LRTM1: variants seen among roughly 807,000 people sequenced by gnomAD.
LRTM1 encodes the protein leucine rich repeat transmembrane protein 1.
LRTM1 carries 38 observed loss-of-function variants against 32.4 expected under a neutral mutation model. The ratio of observed to expected loss-of-function variants is 1.17; its 90% confidence interval spans 0.91 to 1.54. The LOEUF is 1.54. Among genes scored for constraint, LRTM1 ranks in the 40% most tolerant of loss-of-function variants. The pLI, the probability that LRTM1 is intolerant of heterozygous loss-of-function variation, is 0.00. For missense variants in LRTM1, 466 were observed against 415.4 expected (o/e 1.12, Z -1.06); for synonymous variants, 186 against 169.9 (o/e 1.09, Z -0.74).
At chr3:54,927,869 C>G (rs1223304459) in intron 1 of LRTM1, 36 bp downstream of exon 1, 1 of 1,612,724 alleles carries the variant, frequency 6.2e-7, no homozygotes, top group Non-Finnish European at 8.5e-7. Flanking sequence ...TTCTCCCAGA[C>G]AAGAACTTTT....
At chr3:54,924,548 G>A (rs1473785764) in intron 2 of LRTM1, 71 bp downstream of exon 2, 28 of 1,255,920 alleles carry the variant, frequency 2.2e-5, no homozygotes, top group Non-Finnish European at 2.9e-5. Flanking sequence ...TCTTTCTAAT[G>A]CAGAGAACAG....
chr3:54,924,506 C>G (rs2106939177), intron 2 of LRTM1, 113 bp downstream of exon 2: 1 of 866,654 alleles, frequency 1.2e-6, no homozygotes, highest in Admixed American at 2.3e-5. Context: ...TGTGTAAAAG[C>G]CCAAATCCAC....
At chr3:54,959,519 A>G (rs910729315) in intron 1 of LRTM1, among the ~76,000 whole-genome samples, 2 of 56,292 alleles carry the variant, frequency 3.6e-5, no homozygotes, top group Non-Finnish European at 9.4e-5. Flanking sequence ...TGGCTGTTCT[A>G]TTATTATTGG....
At chr3:54,944,891 T>G (rs1054640476) in intron 1 of LRTM1, among the ~76,000 whole-genome samples, 1 of 152,128 alleles carries the variant, frequency 6.6e-6, no homozygotes, top group Non-Finnish European at 1.5e-5. Context: ...TGTTTTTCTT[T>G]CTTTTTTCAA....
chr3:54,944,739 T>A (rs1470733747), intron 1 of LRTM1, among the ~76,000 whole-genome samples: 19 of 152,182 alleles, frequency 1.2e-4, no homozygotes, highest in Non-Finnish European at 2.8e-4. Context: ...TTATTTTTTA[T>A]AGCAGCCTTT....
chr3:54,933,444 T>A (rs1287628054), intron 1 of LRTM1, among the ~76,000 whole-genome samples: 2 of 152,178 alleles, frequency 1.3e-5, no homozygotes, highest in African/African-American at 4.8e-5. Flanking sequence ...CTCAGAGCCC[T>A]CTCCATCAGT....
intron 1 of LRTM1, among the ~76,000 whole-genome samples, chr3:54,926,810 G>A (rs539115652): frequency 6.6e-6 from 1 of 152,284 alleles, no homozygotes; most frequent in Non-Finnish European, 1.5e-5. Context: ...CTGTAAAACA[G>A]CATCCTTGTT....
chr3:54,942,662 A>C (rs1311298053), intron 1 of LRTM1, among the ~76,000 whole-genome samples: 1 of 152,108 alleles, frequency 6.6e-6, no homozygotes, highest in Non-Finnish European at 1.5e-5. Context: ...ACTGAGCCAG[A>C]AGGATCATTT....
chr3:54,923,000 G>A (rs1700897810), intron 2 of LRTM1, among the ~76,000 whole-genome samples: 1 of 152,136 alleles, frequency 6.6e-6, no homozygotes. Flanking sequence ...CATTGATCAT[G>A]TCTCACCACC....
chr3:54,934,378 A>G (rs1230979151), intron 1 of LRTM1, among the ~76,000 whole-genome samples: 1 of 149,676 alleles, frequency 6.7e-6, no homozygotes, highest in Non-Finnish European at 1.5e-5. Flanking sequence ...CTCTAGTAAG[A>G]AAGTGGGGAG....
rs998811419 is a variant in LRTM1, at chr3:54,944,931, C to T, written c.-221-19716G>A. The stretch of plus-strand genomic sequence containing the variant: ...AAGGCTCTCCCCAAATATCTGTAGC[C>T]TAGTTCACTTTTAAGAGTGAGGCAC... On this transcript the variant is annotated intron_variant, in intron 1 of 2. Transcript: ENST00000493075. Among the ~76,000 whole-genome samples, 6 of 151,926 alleles carry T rather than the reference C, an allele frequency of 3.9e-5. 1 individual carries two copies. The highest frequency in any genetic ancestry group is 3.3e-4 in the Admixed American group (5 of 15,240).
At chr3:54,939,178 C>G (rs1701398595) in intron 1 of LRTM1, among the ~76,000 whole-genome samples, 1 of 152,198 alleles carries the variant, frequency 6.6e-6, no homozygotes, top group Admixed American at 6.5e-5. Flanking sequence ...CTCTTACAAC[C>G]TTCCAGAAGT....
At chr3:54,939,781 G>A (rs183430433) in intron 1 of LRTM1, among the ~76,000 whole-genome samples, 112 of 152,330 alleles carry the variant, frequency 7.4e-4, no homozygotes, top group Admixed American at 5.2e-3. Context: ...ACCAGTAGCG[G>A]GAGAAGCATG....
chr3:54,943,252 A>G (rs2106991247), intron 1 of LRTM1, among the ~76,000 whole-genome samples: 1 of 152,140 alleles, frequency 6.6e-6, no homozygotes, highest in Non-Finnish European at 1.5e-5. Flanking sequence ...AAAAAGAAAA[A>G]AATCATGCCC....
At chr3:54,926,110 G>A (rs118003807) in intron 1 of LRTM1, among the ~76,000 whole-genome samples, 2 of 152,126 alleles carry the variant, frequency 1.3e-5, no homozygotes, top group East Asian at 3.9e-4. Flanking sequence ...CTATTTTCCA[G>A]CATAAGCCCT....
intron 2 of LRTM1, among the ~76,000 whole-genome samples, chr3:54,921,908 AT>A (rs904308221): frequency 1.3e-4 from 20 of 148,998 alleles, no homozygotes; most frequent in African/African-American, 4.8e-4. Context: ...ATTTGTTTAT[AT>A]ATCTTTTTTT....
chr3:54,921,304 G>A lies in LRTM1; in HGVS notation c.605-2412C>T, dbSNP rs537415757. Among the ~76,000 whole-genome samples the A allele has an allele frequency of 7.2e-5, 11 of 152,264 alleles. 1 individual carries two copies. The East Asian group carries it at 1.5e-3, about 21-fold the overall frequency. On this transcript the variant is annotated intron_variant, in intron 2 of 2. Transcript: ENST00000273286. ...GCCTCTGCTTGCTCATCTGGAAAGT[G>A]GGAGATGAGGATAATTAAAATTCAC...
intron 1 of LRTM1, among the ~76,000 whole-genome samples, chr3:54,962,271 A>G (rs1386138927): frequency 2.0e-5 from 3 of 152,130 alleles, no homozygotes; most frequent in African/African-American, 7.2e-5. Context: ...AAAAAGATTA[A>G]TTCTCTAAGA....
chr3:54,942,935 A>G (rs111394724), intron 1 of LRTM1, among the ~76,000 whole-genome samples: 3,408 of 152,144 alleles, frequency 0.022, 125 homozygotes, highest in African/African-American at 0.075. Context: ...GAGGCAGGAG[A>G]ATTGCTTGAA....
Sources: gnomAD v4.1 joint callset for allele counts (sites outside exome capture counted in the v4.1 genomes callset) on GRCh38, gnomAD v4.1.1 for gene constraint, MANE v1.5 for transcripts, NCBI Gene and HGNC (gene_info 2026-07-23, HGNC 2026-07-21) for gene names.